LYSMD2: variants seen among roughly 807,000 people sequenced by gnomAD.
LYSMD2 encodes lysM and putative peptidoglycan-binding domain-containing protein 2.
LYSMD2 carries 6 observed loss-of-function variants against 17.7 expected under a neutral mutation model. The ratio of observed to expected loss-of-function variants is 0.34; its 90% confidence interval spans 0.19 to 0.67. The LOEUF (loss-of-function observed/expected upper bound fraction) is 0.67. LYSMD2 is among the 30% of genes least tolerant of loss of function. The probability of loss-of-function intolerance (pLI) is 0.69; values close to 1 mark genes in which losing one functional copy is unlikely to be tolerated. For synonymous variants in LYSMD2, 102 were observed against 129.8 expected, an observed-to-expected ratio of 0.79 and a Z score of 1.45; for missense variants, 237 against 286.7, an observed-to-expected ratio of 0.83 and a Z score of 1.25.
At chr15:51,726,580 G>A (rs2055541695) in intron 1 of LYSMD2, among the ~76,000 whole-genome samples, 1 of 152,214 alleles carries the variant, frequency 6.6e-6, no homozygotes, top group Non-Finnish European at 1.5e-5. Flanking sequence ...GTCGAGGGGA[G>A]AGTTCTCTAC....
intron 1 of LYSMD2, among the ~76,000 whole-genome samples, chr15:51,732,687 A>G (rs1236402825): frequency 6.6e-6 from 1 of 152,196 alleles, no homozygotes; most frequent in African/African-American, 2.4e-5. Flanking sequence ...TCCCATCCCC[A>G]GGATGCCCAG....
intron 1 of LYSMD2, 102 bp from the exon 2 acceptor site, chr15:51,725,223 A>C: frequency 1.4e-6 from 1 of 698,058 alleles, no homozygotes; most frequent in South Asian, 2.3e-5. Context: ...CAAAATGTAC[A>C]CAATGCTTTC....
chr15:51,749,328 C>T (rs2055685050), intron 1 of LYSMD2, among the ~76,000 whole-genome samples: 1 of 152,240 alleles, frequency 6.6e-6, no homozygotes, highest in Admixed American at 6.5e-5. Context: ...TTAACACCTT[C>T]CAGCTTCCAA....
At chr15:51,746,106 T>C (rs1274049177) in intron 1 of LYSMD2, among the ~76,000 whole-genome samples, 1 of 152,154 alleles carries the variant, frequency 6.6e-6, no homozygotes, top group Non-Finnish European at 1.5e-5. Flanking sequence ...CCTAGATATA[T>C]ACCCAAGAGA....
At chr15:51,751,275 G>C in exon 1 of LYSMD2, 1 of 702,396 alleles carries the variant, frequency 1.4e-6, no homozygotes, top group Non-Finnish European at 2.6e-6. Context: ...CTGTACCTGA[G>C]ACCGCTCTCA....
chr15:51,733,455 G>C (rs1000623391), intron 1 of LYSMD2, among the ~76,000 whole-genome samples: 1 of 151,982 alleles, frequency 6.6e-6, no homozygotes, highest in Non-Finnish European at 1.5e-5. Context: ...TTGGATGAAT[G>C]ATAAATACTG....
Position 51,737,149 on chromosome 15 carries a change from T to G in LYSMD2, c.273+201A>C, listed in dbSNP as rs868303304. ...GCCCCTCCCGCTGCAGGACCAGCTTTGGCGACCACTGCGGTGGCCAGCAGC... is the reference window on the plus strand; with the variant it reads ...GCCCCTCCCGCTGCAGGACCAGCTTGGGCGACCACTGCGGTGGCCAGCAGC... On this transcript the variant is annotated intron_variant, in intron 1 of 2. Coordinates refer to ENST00000267838, the MANE Select transcript of LYSMD2 (RefSeq NM_153374.3). The surrounding 1 kb of genome is among the most constrained non-coding windows in gnomAD (Gnocchi z 4.2). Among the ~76,000 whole-genome samples, 62 of 152,254 alleles carry G rather than the reference T, an allele frequency of 4.1e-4. No homozygotes were observed. The highest frequency in any genetic ancestry group is 1.4e-3 in the African/African-American group (57 of 41,530).
chr15:51,725,386 T>C (rs943969479), intron 1 of LYSMD2, among the ~76,000 whole-genome samples: 3 of 152,240 alleles, frequency 2.0e-5, no homozygotes, highest in Non-Finnish European at 2.9e-5. Context: ...GCTTTTAACA[T>C]CAGTGGACTT....
upstream of LYSMD2, among the ~76,000 whole-genome samples, chr15:51,739,049 G>GT (rs2055630533): frequency 3.3e-5 from 5 of 152,168 alleles, no homozygotes; most frequent in South Asian, 1.0e-3. Flanking sequence ...CTATTACATT[G>GT]TTTAAATCTT....
intron 1 of LYSMD2, among the ~76,000 whole-genome samples, chr15:51,731,212 A>G (rs1271941003): frequency 1.3e-5 from 2 of 152,204 alleles, no homozygotes; most frequent in Admixed American, 1.3e-4. Context: ...TACACTTAAG[A>G]TGGGTGAATT....
upstream of LYSMD2, among the ~76,000 whole-genome samples, chr15:51,738,619 G>T (rs2141600327): frequency 6.6e-6 from 1 of 152,206 alleles, no homozygotes; most frequent in South Asian, 2.1e-4. Context: ...CTAGCATCTA[G>T]TGCCTGGTTT....
At chr15:51,739,713 G>A (rs1802111081), upstream of LYSMD2, among the ~76,000 whole-genome samples, 2 of 152,148 alleles carry the variant, frequency 1.3e-5, no homozygotes, top group African/African-American at 4.8e-5. Context: ...AGGATAGCTT[G>A]AGCCCAGGAG....
intron 1 of LYSMD2, among the ~76,000 whole-genome samples, chr15:51,730,962 C>CT (rs1280087711): frequency 6.6e-6 from 1 of 152,200 alleles, no homozygotes; most frequent in African/African-American, 2.4e-5. Flanking sequence ...GAGAAAAAGG[C>CT]TTTTTTTCTT....
intron 1 of LYSMD2, among the ~76,000 whole-genome samples, chr15:51,747,017 T>TAAAA (rs1050919768): frequency 6.1e-5 from 4 of 65,790 alleles, no homozygotes; most frequent in East Asian, 4.9e-4. Flanking sequence ...CTGTCTCTAC[T>TAAAA]AAAAAAAAAA....
At position 51,742,855 on chromosome 15, in the gene LYSMD2, A is replaced by G. The variant is rs2055649970; in HGVS notation, c.-1+8416T>C. Among the ~76,000 whole-genome samples the G allele has an allele frequency of 2.0e-5, 3 of 152,176 alleles. No homozygotes were observed. In the South Asian group the frequency reaches 6.2e-4, roughly 32 times the overall value. ...CACATGCCTGTAGTCTCAACTACTC[A>G]CAAGGCAGAGATGGGAAGATTACTT... is the stretch of plus-strand genomic sequence containing the variant. On this transcript the variant is annotated intron_variant, in intron 1 of 2. Coordinates refer to the LYSMD2 transcript ENST00000454181.
At chr15:51,732,819 C>G (rs889485077) in intron 1 of LYSMD2, among the ~76,000 whole-genome samples, 1 of 152,276 alleles carries the variant, frequency 6.6e-6, no homozygotes, top group Non-Finnish European at 1.5e-5. Flanking sequence ...TTCTCTACTG[C>G]TTTGGTCCCA....
At chr15:51,733,493 GA>G (rs2055589375) in intron 1 of LYSMD2, among the ~76,000 whole-genome samples, 1 of 151,962 alleles carries the variant, frequency 6.6e-6, no homozygotes, top group South Asian at 2.1e-4. Context: ...GGAAGTTGGG[GA>G]GGAGCGCTGG....
intron 1 of LYSMD2, among the ~76,000 whole-genome samples, chr15:51,749,264 C>T (rs2055684783): frequency 6.6e-6 from 1 of 152,204 alleles, no homozygotes; most frequent in East Asian, 1.9e-4. Flanking sequence ...CTGGTAATAT[C>T]TTTCCATTAA....
At chr15:51,745,178 A>C (rs1036049778) in intron 1 of LYSMD2, among the ~76,000 whole-genome samples, 6 of 152,186 alleles carry the variant, frequency 3.9e-5, no homozygotes, top group Non-Finnish European at 8.8e-5. Context: ...GATTTATACC[A>C]AACATTTAAA....
Sources: gnomAD v4.1 joint callset for allele counts (sites outside exome capture counted in the v4.1 genomes callset) on GRCh38, gnomAD v4.1.1 for gene constraint, Gnocchi (gnomAD v3.1) non-coding constraint, MANE v1.5 for transcripts, NCBI Gene and HGNC (gene_info 2026-07-23, HGNC 2026-07-21) for gene names.